DNAH8: variants seen among roughly 807,000 people sequenced by gnomAD.
DNAH8 encodes the protein dynein axonemal heavy chain 8, also known as axonemal beta dynein heavy chain 8.
In DNAH8, 382 loss-of-function variants were observed where a neutral mutation model predicts 562.1. The ratio of observed to expected loss-of-function variants is 0.68; its 90% CI spans 0.63 to 0.74. The LOEUF (loss-of-function observed/expected upper bound fraction) is 0.74, where lower values mean the gene tolerates loss of function less well. Among genes scored for constraint, DNAH8 ranks in the 30% least tolerant of loss-of-function variants. The probability of loss-of-function intolerance (pLI) is 0.00; values close to 1 mark genes in which losing one functional copy is unlikely to be tolerated. For synonymous variants in DNAH8, 1,881 were observed against 1,919.4 expected, an observed-to-expected ratio of 0.98 and a Z score of 0.52; for missense variants, 5,203 against 5,620.4, an observed-to-expected ratio of 0.93 and a Z score of 2.37.
At position 38,938,106 on chromosome 6, in the gene DNAH8, G is replaced by A. The variant is rs1180817252; in HGVS notation, c.11696G>A (p.Arg3899Gln). Residue 3899 changes from arginine to glutamine, a missense_variant, in exon 78 of 93, where the codon CGG becomes CAG. This residue lies in a region of DNAH8 where 1,399 missense variants were observed against 1,518.4 expected (regional missense o/e 0.92). Transcript: ENST00000327475. ...IKINAAQEEF[R>Q]PAATRGSILY... ...ATCAACGCGGCTCAGGAGGAGTTCCGGCCCGCAGCCACCCGCGGAAGCATC... is the reference window on the plus strand; with the variant it reads ...ATCAACGCGGCTCAGGAGGAGTTCCAGCCCGCAGCCACCCGCGGAAGCATC... 1.9e-6 allele frequency: 3 copies of A among 1,613,950 alleles called. No homozygotes were observed. Among genetic ancestry groups the A allele is most frequent in the East Asian group, 4.5e-5 (2 of 44,848 alleles).
rs1725825795 is a variant in DNAH8 at position 39,030,664 on chromosome 6, A to G, written c.*272A>G. The G allele has an allele frequency of 5.7e-6, 2 of 353,514 alleles. No homozygotes were observed. The highest frequency in any genetic ancestry group is 4.2e-5 in the South Asian group (1 of 23,570). 21.9% of individuals were successfully genotyped at this position (353,514 alleles called of 1,614,324 possible). On this transcript the variant is annotated 3_prime_UTR_variant, in exon 93 of 93. Coordinates refer to ENST00000327475, the MANE Select transcript of DNAH8 (RefSeq NM_001206927.2). ...TAAAACCCTGTTTGGATGTTAGAACACTTTGGAAGCTCTGAATTTTAAAAA... is the reference window on the plus strand; with the variant it reads ...TAAAACCCTGTTTGGATGTTAGAACGCTTTGGAAGCTCTGAATTTTAAAAA...
intron 30 of DNAH8, among the ~76,000 whole-genome samples, chr6:38,831,855 A>G (rs1176430844): frequency 6.6e-6 from 1 of 152,248 alleles, no homozygotes; most frequent in Non-Finnish European, 1.5e-5. Flanking sequence ...GCTGGCAATT[A>G]TTATTGAAGG....
chr6:38,805,744 GTAGGATCA>G, intron 23 of DNAH8, 148 bp downstream of exon 23: 1 of 529,312 alleles, frequency 1.9e-6, no homozygotes, highest in Non-Finnish European at 3.3e-6. Flanking sequence ...ATTTTATACT[GTAGGATCA>G]GGCAATCCTT....
Position 38,899,869 on chromosome 6 carries a change from A to G in DNAH8, c.9157A>G (p.Ile3053Val). 6.2e-7 allele frequency: 1 copy of G among 1,607,612 alleles called. No individual in the cohort carries two copies. Among genetic ancestry groups the G allele is most frequent in the Non-Finnish European group, 8.5e-7 (1 of 1,177,878 alleles). The part of the protein sequence containing the change: ...KQSLSRLASF[I>V]AGYQIFQITL... ...AAGTCTTTCAAGATTGGCCTCTTTT[A>G]TTGCTGGCTATCAAATATTCCAGAT... The change falls in exon 62 of 93, where the codon ATT becomes GTT. Residue 3053 changes from isoleucine to valine, a missense_variant. By Grantham distance (29) the Ile-to-Val change is conservative. Coordinates refer to ENST00000327475, the MANE Select transcript of DNAH8 (RefSeq NM_001206927.2).
At chr6:38,987,002 A>G (rs1477363690) in intron 87 of DNAH8, among the ~76,000 whole-genome samples, 1 of 152,228 alleles carries the variant, frequency 6.6e-6, no homozygotes. Flanking sequence ...AGCCCAACAC[A>G]TCTAAGTGCT....
chr6:38,941,496 G>T (rs1034531752), intron 79 of DNAH8, among the ~76,000 whole-genome samples: 7 of 152,116 alleles, frequency 4.6e-5, no homozygotes, highest in African/African-American at 1.2e-4. Flanking sequence ...GTATCATGTG[G>T]TTCATATTTT....
rs1377498896 is a variant in DNAH8, at chr6:38,823,040, T to C, written c.3720+6T>C. 13 of 1,560,834 alleles carry C rather than the reference T, an allele frequency of 8.3e-6. No homozygotes were observed. Among genetic ancestry groups the C allele is most frequent in the Non-Finnish European group, 1.1e-5 (13 of 1,159,588 alleles). ...ACCGCGATGTGAAAGTGAAGGTGTCTTTCTGCTACTTGTGATGTTGTTTGG... is the reference window on the plus strand; with the variant it reads ...ACCGCGATGTGAAAGTGAAGGTGTCCTTCTGCTACTTGTGATGTTGTTTGG... On this transcript the variant is annotated splice_donor_region_variant and intron_variant, in intron 27 of 92. Coordinates refer to ENST00000327475, the MANE Select transcript of DNAH8 (RefSeq NM_001206927.2).
intron 1 of DNAH8, among the ~76,000 whole-genome samples, chr6:38,719,480 A>C: frequency 6.6e-6 from 1 of 151,780 alleles, no homozygotes; most frequent in African/African-American, 2.4e-5. Flanking sequence ...TGTGAACATG[A>C]GGTATTTGGT....
At chr6:38,895,426 A>G (rs1232194739) in intron 59 of DNAH8, among the ~76,000 whole-genome samples, 2 of 152,226 alleles carry the variant, frequency 1.3e-5, no homozygotes, top group Non-Finnish European at 2.9e-5. Flanking sequence ...AGAGGTGATA[A>G]CATTCGGAGG....
intron 62 of DNAH8, among the ~76,000 whole-genome samples, chr6:38,902,750 C>G (rs1039279778): frequency 2.0e-5 from 3 of 152,168 alleles, no homozygotes; most frequent in Non-Finnish European, 4.4e-5. Context: ...GAAGACTCAG[C>G]AGGGACAGTT....
chr6:38,804,669 A>G (rs1342497837), intron 22 of DNAH8, among the ~76,000 whole-genome samples: 6 of 151,898 alleles, frequency 4.0e-5, no homozygotes, highest in Non-Finnish European at 7.4e-5. Flanking sequence ...TTACCAACAT[A>G]TTTGAAGTAG....
intron 3 of DNAH8, among the ~76,000 whole-genome samples, chr6:38,725,388 G>A (rs1263591270): frequency 6.6e-6 from 1 of 151,618 alleles, no homozygotes. Context: ...CTGCAAAATT[G>A]TCTGCGCTTC....
intron 88 of DNAH8, among the ~76,000 whole-genome samples, chr6:39,001,186 G>A (rs1460296994): frequency 1.3e-5 from 2 of 151,904 alleles, no homozygotes; most frequent in African/African-American, 2.4e-5. Flanking sequence ...ATTGGAATAC[G>A]GTTATTTAAT....
At chr6:38,755,034 C>T (rs1765786176) in intron 9 of DNAH8, among the ~76,000 whole-genome samples, 1 of 152,062 alleles carries the variant, frequency 6.6e-6, no homozygotes, top group African/African-American at 2.4e-5. Flanking sequence ...TTTCTTTCCT[C>T]CTCCTGGTAG....
intron 53 of DNAH8, among the ~76,000 whole-genome samples, chr6:38,882,495 G>C (rs1214698302): frequency 6.6e-6 from 1 of 152,180 alleles, no homozygotes; most frequent in East Asian, 1.9e-4. Flanking sequence ...TCAATTATAA[G>C]TGGGAGCTAA....
rs1400100226 is a variant in DNAH8 at position 38,953,754 on chromosome 6, G to A, written c.12451+2234G>A. 4.6e-5 allele frequency among the ~76,000 whole-genome samples: 7 copies of A among 152,080 alleles called. 1 individual carries two copies. In the South Asian group the frequency reaches 8.3e-4, roughly 18 times the overall value. ...CGAACAACATGTTAATGTAGTCTCA[G>A]CTATTAATATTTTATTTGAAAATCT... On this transcript the variant is annotated intron_variant, in intron 82 of 92. Transcript: ENST00000327475.
chr6:38,721,252 T>A (rs534700026), intron 1 of DNAH8, among the ~76,000 whole-genome samples: 1 of 152,218 alleles, frequency 6.6e-6, no homozygotes, highest in East Asian at 1.9e-4. Flanking sequence ...GGAGCTTGAG[T>A]ACTGGTACTG....
chr6:38,990,203 G>T, intron 88 of DNAH8, 31 bp downstream of exon 88: 1 of 1,497,772 alleles, frequency 6.7e-7, no homozygotes. Flanking sequence ...AATTTGAAGG[G>T]GTCATTTGTA....
chr6:38,945,623 C>G, intron 80 of DNAH8, 35 bp downstream of exon 80: 7 of 1,612,322 alleles, frequency 4.3e-6, no homozygotes, highest in Non-Finnish European at 5.9e-6. Context: ...AAGTGCAGAT[C>G]TGCAAACCCA....
Sources: allele counts gnomAD v4.1 joint callset (sites outside exome capture counted in the v4.1 genomes callset), GRCh38; gene constraint gnomAD v4.1.1; regional missense constraint gnomAD v4.1.1; transcripts MANE v1.5; gene names NCBI Gene and HGNC (gene_info 2026-07-23, HGNC 2026-07-21).